SPHKAP: variants seen among roughly 807,000 people sequenced by gnomAD.
SPHKAP encodes SPHK1 interactor, AKAP domain containing, also known as A-kinase anchor protein SPHKAP.
A neutral mutation model predicts 137.5 loss-of-function variants in SPHKAP; 67 were observed. The observed-to-expected ratio is 0.49, with a 90% CI of 0.40 to 0.60. The LOEUF (loss-of-function observed/expected upper bound fraction) is 0.60, where lower values mean the gene tolerates loss of function less well. Among genes scored for constraint, SPHKAP ranks in the 20% least tolerant of loss-of-function variants. The pLI is 0.00. For synonymous variants in SPHKAP, 813 were observed against 785.3 expected (o/e 1.04, Z -0.59); for missense variants, 2,097 against 2,069.3 (o/e 1.01, Z -0.26).
intron 2 of SPHKAP, chr2:228,109,390 T>C (rs1698445158): frequency 1.0e-6 from 1 of 984,456 alleles, no homozygotes; most frequent in East Asian, 1.1e-4. Context: ...TAACTTAGCT[T>C]TGAACTAGTG....
chr2:228,133,411 A>C (rs1324711179), intron 1 of SPHKAP, among the ~76,000 whole-genome samples: 4 of 152,174 alleles, frequency 2.6e-5, no homozygotes, highest in African/African-American at 9.6e-5. Context: ...TTAAAATAAT[A>C]TGACTGGAAA....
rs1311276110 is a variant in SPHKAP, at chr2:227,980,191, G to A, written c.*1526C>T. The A allele has an allele frequency of 6.6e-6, 1 of 152,488 alleles. No individual in the cohort carries two copies. Among genetic ancestry groups the A allele is most frequent in the Non-Finnish European group, 1.5e-5 (1 of 68,026 alleles). The allele number at this position is 152,488 out of a possible 1,614,324, so 9.4% of individuals were successfully genotyped here. A position where few individuals can be genotyped will look rare whatever the true frequency, so the allele number is the denominator to read the frequency against. Reference sequence around the variant, plus strand: ...ATTGATGGATATATTTTAAAACTGGGCATTTAGTTAATGTGTCAAATTAAG... The same window carrying A: ...ATTGATGGATATATTTTAAAACTGGACATTTAGTTAATGTGTCAAATTAAG... On this transcript the variant is annotated 3_prime_UTR_variant, in exon 12 of 12. Transcript: ENST00000392056.
intron 2 of SPHKAP, among the ~76,000 whole-genome samples, chr2:228,128,342 C>T (rs1489343540): frequency 1.3e-5 from 2 of 152,202 alleles, no homozygotes; most frequent in Non-Finnish European, 2.9e-5. Context: ...TTTCTTTCCA[C>T]AAGAAGTAAT....
intron 7 of SPHKAP, among the ~76,000 whole-genome samples, chr2:228,006,743 A>T (rs192720233): frequency 0.012 from 1,756 of 152,088 alleles, 36 homozygotes; most frequent in African/African-American, 0.04. Context: ...TCTGTTTGTT[A>T]GTTTTCCTTT....
At chr2:228,067,822 G>A (rs1314543738) in intron 3 of SPHKAP, among the ~76,000 whole-genome samples, 1 of 152,068 alleles carries the variant, frequency 6.6e-6, no homozygotes, top group Non-Finnish European at 1.5e-5. Flanking sequence ...CTGTATCTGT[G>A]GGTCCCTATC....
Position 228,084,997 on chromosome 2 carries a change from G to GT in SPHKAP, c.246+23834dup, listed in dbSNP as rs551815929. On this transcript the variant is annotated intron_variant, in intron 3 of 11. Coordinates refer to ENST00000392056, the MANE Select transcript of SPHKAP (RefSeq NM_001142644.2). ...CCTCTTAGGTAATTCAACAGAATGC[G>GT]TTTCACAGACTAAGTGCCAGAACAG... Among the ~76,000 whole-genome samples the GT allele has an allele frequency of 6.2e-3, 944 of 152,280 alleles. 15 individuals carry two copies. The highest frequency in any genetic ancestry group is 0.021 in the African/African-American group (886 of 41,564).
rs73994847 is a variant in SPHKAP, at chr2:228,017,872, T to C, written c.2982A>G (p.Lys994=). ...ESQGSGTAVR[K]HKPPRLSEIK... is the part of the protein sequence containing the mutation. ...TCTCACTGAGCCGGGGAGGCTTGTG[T>C]TTCCTCACAGCGGTCCCGCTCCCCT... Residue 994 remains lysine, a synonymous_variant, in exon 7 of 12, where the codon AAA becomes AAG. Coordinates refer to ENST00000392056, the MANE Select transcript of SPHKAP (RefSeq NM_001142644.2). 6.6e-3 allele frequency: 10,686 copies of C among 1,613,936 alleles called. 561 individuals are homozygous for C. The African/African-American group carries it at 0.12, about 18-fold the overall frequency.
intron 3 of SPHKAP, among the ~76,000 whole-genome samples, chr2:228,056,683 C>A (rs1418638076): frequency 2.6e-5 from 4 of 151,994 alleles, no homozygotes; most frequent in African/African-American, 9.7e-5. Context: ...TAAATGCAGT[C>A]AATAAAAGCT....
intron 3 of SPHKAP, among the ~76,000 whole-genome samples, chr2:228,065,314 A>G (rs1167576112): frequency 6.6e-6 from 1 of 152,174 alleles, no homozygotes; most frequent in Non-Finnish European, 1.5e-5. Flanking sequence ...AAGTAGAGCA[A>G]AATCTCAGCT....
chr2:228,053,892 G>T (rs572771038), intron 3 of SPHKAP, among the ~76,000 whole-genome samples: 24 of 152,088 alleles, frequency 1.6e-4, no homozygotes, highest in African/African-American at 5.8e-4. Flanking sequence ...TACATTGTTT[G>T]TTCTACTTTA....
intron 9 of SPHKAP, among the ~76,000 whole-genome samples, chr2:227,993,072 A>G (rs1693477430): frequency 6.6e-6 from 1 of 152,124 alleles, no homozygotes; most frequent in Non-Finnish European, 1.5e-5. Context: ...CGGGGTGGGA[A>G]TGACACATAT....
intron 1 of SPHKAP, among the ~76,000 whole-genome samples, chr2:228,150,594 T>G (rs1348709513): frequency 6.6e-6 from 1 of 152,034 alleles, no homozygotes; most frequent in Non-Finnish European, 1.5e-5. Flanking sequence ...TGATAATACT[T>G]TTGTCTGTAA....
At chr2:228,027,383 T>TA in intron 4 of SPHKAP, 101 bp downstream of exon 4, 1 of 1,215,122 alleles carries the variant, frequency 8.2e-7, no homozygotes, top group African/African-American at 1.5e-5. Context: ...TGAAACTATC[T>TA]AACTAAAGAG....
chr2:227,998,359 C>G (rs1305510535), intron 7 of SPHKAP, among the ~76,000 whole-genome samples: 1 of 152,152 alleles, frequency 6.6e-6, no homozygotes, highest in Admixed American at 6.5e-5. Flanking sequence ...TCAGGAAACT[C>G]TGATGTACAG....
At chr2:228,123,746 C>G (rs1010708650) in intron 2 of SPHKAP, among the ~76,000 whole-genome samples, 1 of 152,098 alleles carries the variant, frequency 6.6e-6, no homozygotes, top group South Asian at 2.1e-4. Flanking sequence ...AATTAGATCC[C>G]ATTCGTCAAT....
rs572569926 is a variant in SPHKAP, at chr2:228,009,244, G to A, written c.4448+7162C>T. Among the ~76,000 whole-genome samples the A allele has an allele frequency of 1.7e-3, 257 of 152,046 alleles. 1 individual carries two copies. The highest frequency in any genetic ancestry group is 5.8e-3 in the African/African-American group (241 of 41,482). ...TGATAAGAAATCTGCAGTTTTATTT[G>A]TGCTTCTTAGTATATAATGTTTCTT... On this transcript the variant is annotated intron_variant, in intron 7 of 11. Coordinates refer to ENST00000392056, the MANE Select transcript of SPHKAP (RefSeq NM_001142644.2).
intron 7 of SPHKAP, among the ~76,000 whole-genome samples, chr2:227,999,640 T>C (rs947281276): frequency 6.6e-6 from 1 of 152,236 alleles, no homozygotes; most frequent in African/African-American, 2.4e-5. Context: ...TCTGTCAGTG[T>C]ATTTTACTTT....
chr2:228,061,791 C>T (rs73096658), intron 3 of SPHKAP, among the ~76,000 whole-genome samples: 2,794 of 151,088 alleles, frequency 0.018, 86 homozygotes, highest in African/African-American at 0.062. Flanking sequence ...ATTTTGAAAA[C>T]AACATTAGCT....
chr2:228,052,539 T>A (rs1696294893), intron 3 of SPHKAP, among the ~76,000 whole-genome samples: 2 of 152,290 alleles, frequency 1.3e-5, no homozygotes, highest in South Asian at 4.1e-4. Context: ...AGCAATATCA[T>A]TGAATTTTGA....
Sources: gnomAD v4.1 joint callset for allele counts (sites outside exome capture counted in the v4.1 genomes callset) on GRCh38, gnomAD v4.1.1 for gene constraint, MANE v1.5 for transcripts, NCBI Gene and HGNC (gene_info 2026-07-23, HGNC 2026-07-21) for gene names.